Variants in TIAM1 observed in about 807,000 individuals in gnomAD.
TIAM1 encodes the protein rho guanine nucleotide exchange factor TIAM1.
TIAM1 carries 65 observed loss-of-function variants against 163.5 expected under a neutral mutation model. The observed-to-expected ratio is 0.40, with a 90% CI of 0.33 to 0.49. The LOEUF is 0.49. Among genes scored for constraint, TIAM1 ranks in the 20% least tolerant of loss-of-function variants. The pLI is 0.77. For missense variants in TIAM1, 1,789 were observed against 2,044.7 expected (o/e 0.87, Z 2.41); for synonymous variants, 833 against 810.1 (o/e 1.03, Z -0.48).
intron 2 of TIAM1, chr21:31,452,881 T>C (rs965444301): frequency 1.9e-6 from 1 of 516,524 alleles, no homozygotes; most frequent in African/African-American, 2.0e-5. Context: ...GTGCAGTCTT[T>C]TTGGTATGAC....
chr21:31,364,424 A>T (rs1288771937), intron 2 of TIAM1, among the ~76,000 whole-genome samples: 1 of 152,130 alleles, frequency 6.6e-6, no homozygotes, highest in Non-Finnish European at 1.5e-5. Context: ...TGAATACCTC[A>T]CTTACACTCA....
At chr21:31,452,454 G>A (rs1428508097) in intron 2 of TIAM1, 3 of 476,502 alleles carry the variant, frequency 6.3e-6, no homozygotes, top group African/African-American at 2.1e-5. Context: ...CAAAAGAAAG[G>A]TTATAAGCGC....
At chr21:31,392,427 G>A (rs575553990) in intron 2 of TIAM1, among the ~76,000 whole-genome samples, 7 of 151,910 alleles carry the variant, frequency 4.6e-5, no homozygotes, top group Non-Finnish European at 7.4e-5. Context: ...AAAATTAGCC[G>A]GGCATGGTGG....
At chr21:31,380,717 GAATAGACTC>G (rs1482448072) in intron 2 of TIAM1, among the ~76,000 whole-genome samples, 1 of 152,052 alleles carries the variant, frequency 6.6e-6, no homozygotes, top group African/African-American at 2.4e-5. Context: ...TAAAGAAAAG[GAATAGACTC>G]AATACCCTAC....
At chr21:31,339,663 C>G (rs996154724) in intron 1 of TIAM1, among the ~76,000 whole-genome samples, 3 of 152,142 alleles carry the variant, frequency 2.0e-5, no homozygotes, top group African/African-American at 7.2e-5. Context: ...TGTAGAGATT[C>G]TTGCCCACCA....
chr21:31,219,900 T>G (rs2087461695), intron 8 of TIAM1, among the ~76,000 whole-genome samples: 1 of 152,040 alleles, frequency 6.6e-6, no homozygotes, highest in Admixed American at 6.6e-5. Flanking sequence ...ATGTAAAAAT[T>G]TTCTCTTCTC....
chr21:31,438,849 A>G (rs993874433), intron 2 of TIAM1, among the ~76,000 whole-genome samples: 1 of 152,304 alleles, frequency 6.6e-6, no homozygotes. Context: ...GTAGCAACCC[A>G]CAACAACCCC....
At chr21:31,387,204 T>C (rs1370389490) in intron 2 of TIAM1, among the ~76,000 whole-genome samples, 129 of 105,734 alleles carry the variant, frequency 1.2e-3, no homozygotes, top group South Asian at 6.8e-3. Context: ...TCTTTTTTTT[T>C]TTTTTTTTTT....
At chr21:31,402,261 A>T (rs2077178745) in intron 2 of TIAM1, among the ~76,000 whole-genome samples, 1 of 152,124 alleles carries the variant, frequency 6.6e-6, no homozygotes, top group Non-Finnish European at 1.5e-5. Context: ...TGTGAGACTA[A>T]GACAGTTACC....
At position 31,501,947 on chromosome 21, in the gene TIAM1, A is replaced by G. The variant is rs572838744; in HGVS notation, c.-421-37912T>C. Among the ~76,000 whole-genome samples, 15 of 152,280 alleles carry G rather than the reference A, an allele frequency of 9.9e-5. No individual in the cohort carries two copies. The South Asian group carries it at 1.0e-3, about 11-fold the overall frequency. On this transcript the variant is annotated intron_variant, in intron 1 of 28. Coordinates refer to the TIAM1 transcript ENST00000286827. ...ACAACAAAGAAGCCACTTGCTTGGAAATGTGGGACCAACGGGCTGAATGCC... is the reference window on the plus strand; with the variant it reads ...ACAACAAAGAAGCCACTTGCTTGGAGATGTGGGACCAACGGGCTGAATGCC...
intron 2 of TIAM1, among the ~76,000 whole-genome samples, chr21:31,368,965 C>T (rs1043224922): frequency 3.3e-5 from 5 of 151,934 alleles, no homozygotes; most frequent in African/African-American, 4.8e-5. Flanking sequence ...ATAGGTCGGG[C>T]GTGGTGGCTC....
At position 31,266,919 on chromosome 21, in the gene TIAM1, A is replaced by G. The variant is rs145651862; in HGVS notation, c.54T>C (p.His18=). ...AAGTGTGCTTGCGCCCCAGGCTGGC[A>G]TGCTTTTCTCCATAAAACTCGTGCT... ...HVEHEFYGEK[H]ASLGRKHTSR... Residue 18 remains histidine (H), a synonymous_variant, in exon 4 of 28, where the codon CAT becomes CAC. Transcript: ENST00000541036. 7 of 1,611,748 alleles carry G rather than the reference A, an allele frequency of 4.3e-6. No homozygotes were observed. In the African/African-American group the frequency reaches 6.7e-5, roughly 15 times the overall value.
intron 1 of TIAM1, among the ~76,000 whole-genome samples, chr21:31,484,626 C>A (rs767131705): frequency 1.3e-5 from 2 of 152,180 alleles, no homozygotes; most frequent in Non-Finnish European, 2.9e-5. Flanking sequence ...TTAAAGCAGG[C>A]CCCAAAGTCC....
chr21:31,334,351 T>A (rs368339824), intron 2 of TIAM1, among the ~76,000 whole-genome samples: 1 of 151,728 alleles, frequency 6.6e-6, no homozygotes, highest in Non-Finnish European at 1.5e-5. Context: ...ATGGCGTGGT[T>A]CTGACTCACT....
intron 12 of TIAM1, among the ~76,000 whole-genome samples, chr21:31,200,938 A>T (rs190966758): frequency 4.0e-4 from 61 of 152,340 alleles, no homozygotes; most frequent in African/African-American, 1.4e-3. Context: ...CCCTGTACTT[A>T]AGATTCTTTT....
intron 2 of TIAM1, among the ~76,000 whole-genome samples, chr21:31,423,583 C>A (rs963993363): frequency 1.3e-5 from 2 of 151,726 alleles, no homozygotes; most frequent in African/African-American, 2.4e-5. Context: ...GAGCTCTCTG[C>A]AGCCAGGGGC....
intron 2 of TIAM1, among the ~76,000 whole-genome samples, chr21:31,425,093 A>C (rs1483364372): frequency 6.6e-6 from 1 of 151,916 alleles, no homozygotes. Context: ...AATAGCTAAG[A>C]TGGTGAATTT....
chr21:31,283,748 G>C (rs1162159481), intron 2 of TIAM1, among the ~76,000 whole-genome samples: 1 of 151,990 alleles, frequency 6.6e-6, no homozygotes, highest in Non-Finnish European at 1.5e-5. Flanking sequence ...CATCATATTG[G>C]TCAGGCTGGT....
intron 1 of TIAM1, among the ~76,000 whole-genome samples, chr21:31,494,240 C>A (rs1434105283): frequency 6.6e-6 from 1 of 152,068 alleles, no homozygotes; most frequent in Non-Finnish European, 1.5e-5. Context: ...TCTGTACCCT[C>A]TACAGGCTCT....
Sources: allele counts gnomAD v4.1 joint callset (sites outside exome capture counted in the v4.1 genomes callset), GRCh38; gene constraint gnomAD v4.1.1; transcripts MANE v1.5; gene names NCBI Gene and HGNC (gene_info 2026-07-23, HGNC 2026-07-21).